MMP2: variants seen among roughly 807,000 people sequenced by gnomAD.
The protein encoded by MMP2 is matrix metallopeptidase 2, also known as 72 kDa type IV collagenase.
In MMP2, 39 loss-of-function variants were observed where a neutral mutation model predicts 74.8. That is an observed-to-expected ratio of 0.52 (90% CI 0.40 to 0.68). The LOEUF (loss-of-function observed/expected upper bound fraction) is 0.68. Ranked by LOEUF, MMP2 falls within the 30% of genes least tolerant of loss-of-function variation. The pLI is 0.00. For missense variants in MMP2, 803 were observed against 878.3 expected (o/e 0.91, Z 1.08); for synonymous variants, 367 against 339.8 (o/e 1.08, Z -0.88).
chr16:55,483,935 A>ATCTGTGCACACACACATACTT, intron 2 of MMP2, 81 bp from the exon 3 acceptor site: 19 of 1,499,558 alleles, frequency 1.3e-5, no homozygotes, highest in Non-Finnish European at 1.8e-5. Context: ...TTTTTCATAC[A>ATCTGTGCACACACACATACTT]TCTGTGCACA....
intron 7 of MMP2, among the ~76,000 whole-genome samples, chr16:55,491,079 T>C (rs1204685907): frequency 6.6e-6 from 1 of 151,786 alleles, no homozygotes; most frequent in Non-Finnish European, 1.5e-5. Flanking sequence ...TCCTTTTTTT[T>C]TTTTTTGAGA....
At chr16:55,484,589 T>C (rs1962194473) in intron 3 of MMP2, among the ~76,000 whole-genome samples, 1 of 152,226 alleles carries the variant, frequency 6.6e-6, no homozygotes, top group Non-Finnish European at 1.5e-5. Flanking sequence ...AGAATATTCC[T>C]CTTAATCACA....
chr16:55,484,237 GA>G (rs1221213790), intron 3 of MMP2, 73 bp downstream of exon 3: 17 of 1,543,554 alleles, frequency 1.1e-5, no homozygotes, highest in Non-Finnish European at 1.5e-5. Context: ...ATGGACATTA[GA>G]GGGGCGTGGG....
chr16:55,480,250 G>A (rs1204778578), intron 1 of MMP2, among the ~76,000 whole-genome samples: 3 of 152,162 alleles, frequency 2.0e-5, no homozygotes, highest in Non-Finnish European at 4.4e-5. Flanking sequence ...ACAGCTCGAG[G>A]GGGCCATTTG....
intron 8 of MMP2, 29 bp downstream of exon 8, chr16:55,491,985 G>GGGGGGGT: frequency 7.1e-7 from 1 of 1,411,834 alleles, no homozygotes; most frequent in East Asian, 2.6e-5. Flanking sequence ...GTTGGGGGTG[G>GGGGGGGT]AGGGTGAGGA....
chr16:55,484,284 T>G, intron 3 of MMP2, 120 bp downstream of exon 3: 1 of 1,218,878 alleles, frequency 8.2e-7, no homozygotes, highest in Admixed American at 2.0e-5. Context: ...CAGTAGATGG[T>G]GTGGGCCCTG....
In MMP2 at chr16:55,502,201, A is replaced by G. The variant is rs149394566; in HGVS notation, c.1770-578A>G. Among the ~76,000 whole-genome samples, 39 of 152,240 alleles carry G rather than the reference A, an allele frequency of 2.6e-4. No homozygotes were observed. The East Asian group carries it at 7.5e-3, about 29-fold the overall frequency. On this transcript the variant is annotated intron_variant, in intron 11 of 12. Transcript: ENST00000219070. ...GTCATCTCCCAGGGCAGGGACTGTC[A>G]TCTCCCTGTGGCAGATGAAGAAGCA...
At position 55,488,573 on chromosome 16, in the gene MMP2, G is replaced by C. The variant is rs763487025; in HGVS notation, c.863G>C (p.Gly288Ala). 4 of 1,613,812 alleles carry C rather than the reference G, an allele frequency of 2.5e-6. No individual in the cohort carries two copies. Among genetic ancestry groups the C allele is most frequent in the Admixed American group, 3.3e-5 (2 of 59,986 alleles). The change falls in exon 6 of 13, where the codon GGA (glycine) becomes GCA (alanine). Residue 288 changes from glycine to alanine, a missense_variant. Gly to Ala is a moderately conservative substitution (Grantham distance 60, BLOSUM62 0). Around this residue, in one of 3 missense-constraint regions of MMP2, gnomAD observed 555 missense variants for 592.0 expected, o/e 0.94. Coordinates refer to ENST00000219070, the MANE Select transcript of MMP2 (RefSeq NM_004530.6). ...ALFTMGGNAE[G>A]QPCKFPFRFQ... ...TTCACCATGGGCGGCAACGCTGAAG[G>C]ACAGCCCTGCAAGTTTCCATTCCGC... is the stretch of plus-strand genomic sequence containing the variant.
chr16:55,479,350 A>G lies in MMP2; in HGVS notation c.-130A>G. 1 of 1,144,602 alleles carries G rather than the reference A, an allele frequency of 8.7e-7. No individual in the cohort carries two copies. Among genetic ancestry groups the G allele is most frequent in the Non-Finnish European group, 1.1e-6 (1 of 887,524 alleles). 70.9% of individuals were successfully genotyped at this position (1,144,602 alleles called of 1,614,324 possible). A position where few individuals can be genotyped will look rare whatever the true frequency, so the allele number is the denominator to read the frequency against. On this transcript the variant is annotated 5_prime_UTR_variant, in exon 1 of 13. Coordinates refer to ENST00000219070, the MANE Select transcript of MMP2 (RefSeq NM_004530.6). ...TGAGCCGCTGAGCCGGGCAAACCCCAGGCCACCGAGCCAGCGGACCCTCGG... is the reference window on the plus strand; with the variant it reads ...TGAGCCGCTGAGCCGGGCAAACCCCGGGCCACCGAGCCAGCGGACCCTCGG...
At chr16:55,499,168 C>CA (rs57058103) in intron 11 of MMP2, among the ~76,000 whole-genome samples, 12,621 of 131,938 alleles carry the variant, frequency 0.096, 1,343 homozygotes, top group African/African-American at 0.26. Context: ...GACTCCAACT[C>CA]AAAAAAAAAA....
chr16:55,505,983 G>GTT lies in MMP2; in HGVS notation c.*550_*551dup. 6.3e-6 allele frequency: 1 copy of GTT among 159,130 alleles called. No homozygotes were observed. The highest frequency in any genetic ancestry group is 1.7e-4 in the South Asian group (1 of 5,726). The allele number at this position is 159,130 out of a possible 1,614,324, so 9.9% of individuals were successfully genotyped here. A position where few individuals can be genotyped will look rare whatever the true frequency, so the allele number is the denominator to read the frequency against. On this transcript the variant is annotated 3_prime_UTR_variant, in exon 13 of 13. Transcript: ENST00000219070. Reference sequence around the variant, plus strand: ...CACTTTGTTTTTTTCTTTGGGTCTTGTTTTTTTTTTCCACTTAGAAATTGC... The same window carrying GTT: ...CACTTTGTTTTTTTCTTTGGGTCTTGTTTTTTTTTTTTCCACTTAGAAATTGC...
chr16:55,483,429 C>T (rs1293408901), intron 2 of MMP2, among the ~76,000 whole-genome samples: 2 of 152,172 alleles, frequency 1.3e-5, no homozygotes, highest in Non-Finnish European at 2.9e-5. Flanking sequence ...CTAAGCTAGG[C>T]TGAACTAATA....
intron 7 of MMP2, 81 bp from the exon 8 acceptor site, chr16:55,491,720 C>T: frequency 6.6e-7 from 1 of 1,516,490 alleles, no homozygotes; most frequent in Non-Finnish European, 9.2e-7. Flanking sequence ...CCTCAAAAGT[C>T]TGCATCACTG....
At position 55,500,231 on chromosome 16, in the gene MMP2, G is replaced by A. The variant is rs116905068; in HGVS notation, c.1769+1783G>A. On this transcript the variant is annotated intron_variant, in intron 11 of 12. Coordinates refer to ENST00000219070, the MANE Select transcript of MMP2 (RefSeq NM_004530.6). Reference sequence around the variant, plus strand: ...GACACTAGCCCCAGACAGTGTGCACGCACACGCACACACACACACGCGTAC... The same window carrying A: ...GACACTAGCCCCAGACAGTGTGCACACACACGCACACACACACACGCGTAC... Among the ~76,000 whole-genome samples, 114 of 151,690 alleles carry A rather than the reference G, an allele frequency of 7.5e-4. 3 individuals carry two copies. In the East Asian group the frequency reaches 0.019, roughly 25 times the overall value.
rs1449740287 is a variant in MMP2 at position 55,496,872 on chromosome 16, G to A, written c.1473-54G>A. The stretch of plus-strand genomic sequence containing the variant: ...GTGGGTTTGGGGGTGTGTGTGGTTC[G>A]AGCTGCAGGGTGACTGAAGATGTGG... On this transcript the variant is annotated intron_variant, in intron 9 of 12. Transcript: ENST00000219070. 161 of 1,608,542 alleles carry A rather than the reference G, an allele frequency of 1.0e-4. No individual in the cohort carries two copies. The South Asian group carries it at 1.0e-3, about 10-fold the overall frequency.
rs764431381 is a variant in MMP2, at chr16:55,483,149, G to A, written c.380+14G>A. 1.9e-6 allele frequency: 3 copies of A among 1,606,666 alleles called. No homozygotes were observed. Among genetic ancestry groups the A allele is most frequent in the Non-Finnish European group, 2.6e-6 (3 of 1,174,032 alleles). Reference sequence around the variant, plus strand: ...GATCACATACAGGTGCCGGGGCAGGGCTTGGGGAGGCAGGGCCATGGGGCT... The same window carrying A: ...GATCACATACAGGTGCCGGGGCAGGACTTGGGGAGGCAGGGCCATGGGGCT... On this transcript the variant is annotated intron_variant, in intron 2 of 12. Transcript: ENST00000219070.
rs1962457487 is a variant in MMP2, at chr16:55,493,230, A to T, written c.1409A>T (p.Lys470Ile). 1.9e-6 allele frequency: 3 copies of T among 1,614,186 alleles called. No individual in the cohort carries two copies. The East Asian group carries it at 6.7e-5, about 36-fold the overall frequency. ...TLGPVTPEIC[K>I]QDIVFDGIAQ... is the part of the protein sequence containing the mutation. ...GGCCCTGTCACTCCTGAGATCTGCA[A>T]ACAGGACATTGTATTTGATGGCATC... Residue 470 changes from lysine to isoleucine, a missense_variant, in exon 9 of 13, where the codon AAA becomes ATA. This residue lies in a region of MMP2 where 555 missense variants were observed against 592.0 expected (regional missense o/e 0.94). Coordinates refer to ENST00000219070, the MANE Select transcript of MMP2 (RefSeq NM_004530.6).
At chr16:55,479,892 A>T in intron 1 of MMP2, 1 of 447,938 alleles carries the variant, frequency 2.2e-6, no homozygotes, top group Non-Finnish European at 4.0e-6. Context: ...CAAGCCAGAG[A>T]GTGGGAGAGG....
At chr16:55,498,861 G>A (rs1962597070) in intron 11 of MMP2, among the ~76,000 whole-genome samples, 1 of 152,152 alleles carries the variant, frequency 6.6e-6, no homozygotes, top group Non-Finnish European at 1.5e-5. Context: ...GAGGAAACCT[G>A]GGTTCAGAAA....
Sources: gnomAD v4.1 joint callset for allele counts (sites outside exome capture counted in the v4.1 genomes callset) on GRCh38, gnomAD v4.1.1 for gene constraint, gnomAD v4.1.1 regional missense constraint, MANE v1.5 for transcripts, NCBI Gene and HGNC (gene_info 2026-07-23, HGNC 2026-07-21) for gene names.